The following CCDC192 variants were observed in gnomAD, a reference collection of about 807,000 sequenced individuals.
CCDC192 encodes the protein coiled-coil domain containing 192.
intron 2 of CCDC192, among the ~76,000 whole-genome samples, chr5:127,735,757 G>A (rs1234472011): frequency 7.7e-6 from 1 of 130,680 alleles, no homozygotes; most frequent in Non-Finnish European, 1.5e-5. Context: ...AAGAATGCTT[G>A]TGATTTTTGT....
intron 6 of CCDC192, among the ~76,000 whole-genome samples, chr5:127,918,700 G>A (rs1359453786): frequency 2.0e-5 from 3 of 152,180 alleles, no homozygotes; most frequent in Non-Finnish European, 4.4e-5. Flanking sequence ...TAGCATTGAT[G>A]AGGAGGGGGC....
At chr5:127,745,710 T>A (rs1200184553) in intron 2 of CCDC192, among the ~76,000 whole-genome samples, 3 of 152,238 alleles carry the variant, frequency 2.0e-5, no homozygotes, top group Non-Finnish European at 4.4e-5. Flanking sequence ...ATATATTGCC[T>A]ATATTTTCAT....
At chr5:127,715,156 T>C (rs1366896993) in intron 2 of CCDC192, among the ~76,000 whole-genome samples, 1 of 152,226 alleles carries the variant, frequency 6.6e-6, no homozygotes, top group East Asian at 1.9e-4. Context: ...AATTTTGCTT[T>C]TGTTACACAT....
chr5:127,861,152 G>A (rs1421895478), intron 5 of CCDC192, among the ~76,000 whole-genome samples: 1 of 151,834 alleles, frequency 6.6e-6, no homozygotes, highest in Non-Finnish European at 1.5e-5. Flanking sequence ...GGGATTACAG[G>A]CATGTGCCAC....
intron 3 of CCDC192, among the ~76,000 whole-genome samples, chr5:127,791,800 A>G (rs1348124723): frequency 2.0e-5 from 3 of 152,246 alleles, no homozygotes; most frequent in Admixed American, 6.5e-5. Context: ...GCAAAATATT[A>G]TAAATCTTAC....
chr5:127,878,794 G>T (rs1752227190), intron 6 of CCDC192, among the ~76,000 whole-genome samples: 1 of 149,636 alleles, frequency 6.7e-6, no homozygotes, highest in South Asian at 2.2e-4. Flanking sequence ...AATTACCTTG[G>T]GCAGTATGGC....
At chr5:127,764,817 C>G (rs1755129044) in intron 3 of CCDC192, among the ~76,000 whole-genome samples, 1 of 152,128 alleles carries the variant, frequency 6.6e-6, no homozygotes. Context: ...TCCATGCCAT[C>G]CTGGGCCACA....
chr5:127,725,409 A>G lies in CCDC192; in HGVS notation c.114+17649A>G, dbSNP rs562913692. 1.5e-3 allele frequency among the ~76,000 whole-genome samples: 229 copies of G among 152,364 alleles called. 1 individual carries two copies. Among genetic ancestry groups the G allele is most frequent in the African/African-American group, 5.3e-3 (222 of 41,596 alleles). On this transcript the variant is annotated intron_variant, in intron 2 of 6. Coordinates refer to ENST00000514853, the MANE Select transcript of CCDC192 (RefSeq NM_001317938.2). ...ATATTTCATGTTATACATGTAATTA[A>G]GAAGTTTCTAGTAGCCAAATTGAAA...
rs201676720 is a variant in CCDC192 at position 127,709,202 on chromosome 5, G to GGAGAGAGA, written c.114+1481_114+1488dup. Reference sequence around the variant, plus strand: ...GAGGGGGAGAGAGGTGGAGAGAGGGGGAGAGAGAGAGAGAGAGAGAGAGAG... The same window carrying GGAGAGAGA: ...GAGGGGGAGAGAGGTGGAGAGAGGGGGAGAGAGAGAGAGAGAGAGAGAGAGAGAGAGAG... On this transcript the variant is annotated intron_variant, in intron 2 of 6. Coordinates refer to ENST00000514853, the MANE Select transcript of CCDC192 (RefSeq NM_001317938.2). 3.8e-3 allele frequency among the ~76,000 whole-genome samples: 325 copies of GGAGAGAGA among 85,736 alleles called. 6 individuals carry two copies. Among genetic ancestry groups the GGAGAGAGA allele is most frequent in the Admixed American group, 4.8e-3 (29 of 6,060 alleles). The allele number at this position is 85,736 out of a possible 152,430, so 56.2% of individuals were successfully genotyped here.
chr5:127,895,207 G>T (rs1464292655), intron 6 of CCDC192, among the ~76,000 whole-genome samples: 2 of 152,124 alleles, frequency 1.3e-5, no homozygotes, highest in African/African-American at 2.4e-5. Context: ...CTTGGTTAGA[G>T]CTGAACAGTG....
intron 5 of CCDC192, among the ~76,000 whole-genome samples, chr5:127,803,054 T>C (rs1488659696): frequency 6.6e-6 from 1 of 152,122 alleles, no homozygotes; most frequent in Non-Finnish European, 1.5e-5. Flanking sequence ...CTATTTCACG[T>C]GAAATAAAAA....
At chr5:127,735,753 G>A (rs1339698357) in intron 2 of CCDC192, among the ~76,000 whole-genome samples, 1 of 130,362 alleles carries the variant, frequency 7.7e-6, no homozygotes, top group Non-Finnish European at 1.5e-5. Flanking sequence ...GTATAAGAAT[G>A]CTTGTGATTT....
chr5:127,813,645 A>G (rs1470597531), intron 5 of CCDC192, among the ~76,000 whole-genome samples: 2 of 152,338 alleles, frequency 1.3e-5, no homozygotes, highest in East Asian at 3.9e-4. Flanking sequence ...AAGTTTTGTC[A>G]TAGTCTCAGA....
intron 5 of CCDC192, among the ~76,000 whole-genome samples, chr5:127,843,029 G>GTTTTTTTTT (rs11428874): frequency 1.2e-4 from 11 of 91,766 alleles, no homozygotes; most frequent in Non-Finnish European, 2.0e-4. Flanking sequence ...TTTTAGTCAA[G>GTTTTTTTTT]TTTTTTTTTT....
intron 5 of CCDC192, among the ~76,000 whole-genome samples, chr5:127,850,392 T>G (rs994857337): frequency 1.3e-5 from 2 of 152,210 alleles, no homozygotes; most frequent in Non-Finnish European, 2.9e-5. Flanking sequence ...CATCTTTTGC[T>G]GATTCTCACA....
At position 127,903,343 on chromosome 5, in the gene CCDC192, C is replaced by T. The variant is rs1038377274; in HGVS notation, c.535+27682C>T. 5.9e-5 allele frequency among the ~76,000 whole-genome samples: 9 copies of T among 151,858 alleles called. No homozygotes were observed. In the South Asian group the frequency reaches 1.5e-3, roughly 25 times the overall value. ...CTGCAACCTCTGCCTCCCAGGTTCA[C>T]GTGATTCTCCTGCCTCAGCCTCCTG... On this transcript the variant is annotated intron_variant, in intron 6 of 6. Coordinates refer to ENST00000514853, the MANE Select transcript of CCDC192 (RefSeq NM_001317938.2).
At chr5:127,825,569 T>TTCA (rs1201515574) in intron 5 of CCDC192, among the ~76,000 whole-genome samples, 3 of 152,172 alleles carry the variant, frequency 2.0e-5, no homozygotes, top group Non-Finnish European at 4.4e-5. Context: ...GACACTTGGG[T>TTCA]TTTCCAGAAA....
At chr5:127,896,038 G>A (rs927222210) in intron 6 of CCDC192, among the ~76,000 whole-genome samples, 1 of 152,028 alleles carries the variant, frequency 6.6e-6, no homozygotes, top group African/African-American at 2.4e-5. Flanking sequence ...AAGTCCCTAG[G>A]CCCTTTTTGA....
intron 5 of CCDC192, among the ~76,000 whole-genome samples, chr5:127,819,750 G>A (rs906631359): frequency 3.9e-5 from 6 of 152,022 alleles, no homozygotes; most frequent in African/African-American, 1.2e-4. Context: ...CCACCACCAC[G>A]ATCCCTATAA....
Sources: gnomAD v4.1 joint callset for allele counts (sites outside exome capture counted in the v4.1 genomes callset) on GRCh38, gnomAD v4.1.1 for gene constraint, MANE v1.5 for transcripts, NCBI Gene and HGNC (gene_info 2026-07-23, HGNC 2026-07-21) for gene names.